Variants in ZNF362 observed in about 807,000 individuals in gnomAD.
The protein encoded by ZNF362 is rotund homolog.
A neutral mutation model predicts 42.9 loss-of-function variants in ZNF362; 11 were observed. That is an observed-to-expected ratio of 0.26 (90% confidence interval 0.16 to 0.42). The LOEUF is 0.42. Ranked by LOEUF, ZNF362 falls within the 20% of genes least tolerant of loss-of-function variation. The pLI, the probability that ZNF362 is intolerant of heterozygous loss-of-function variation, is 1.00. For missense variants in ZNF362, 362 were observed against 576.2 expected (o/e 0.63, Z 3.81); for synonymous variants, 255 against 257.3 (o/e 0.99, Z 0.09).
chr1:33,277,121 G>A (rs1427460536), intron 4 of ZNF362, among the ~76,000 whole-genome samples: 3 of 152,232 alleles, frequency 2.0e-5, no homozygotes, highest in African/African-American at 4.8e-5. Context: ...AGCTCCAGTC[G>A]AGCGCCTGTG....
At chr1:33,172,256 G>T in the ZNF362 span, among the ~76,000 whole-genome samples, 1 of 152,210 alleles carries the variant, frequency 6.6e-6, no homozygotes, top group African/African-American at 2.4e-5. Flanking sequence ...GGAGCTTCAA[G>T]GAAGGAGTTT....
chr1:33,224,082 C>G, the ZNF362 span, among the ~76,000 whole-genome samples: 1 of 151,750 alleles, frequency 6.6e-6, no homozygotes, highest in Non-Finnish European at 1.5e-5. Flanking sequence ...AAAATTTAAT[C>G]AAAATTTACT....
At chr1:33,128,555 A>G in the ZNF362 span, among the ~76,000 whole-genome samples, 2 of 152,210 alleles carry the variant, frequency 1.3e-5, no homozygotes, top group African/African-American at 4.8e-5. Flanking sequence ...TCTCTGCCTA[A>G]TCTGAATCTC....
chr1:33,140,993 T>A, the ZNF362 span, among the ~76,000 whole-genome samples: 3 of 152,176 alleles, frequency 2.0e-5, no homozygotes, highest in East Asian at 3.8e-4. This position sits in a 1 kb window ranked among gnomAD's most constrained non-coding sequence, Gnocchi z 4.0. Context: ...GAGACTTGGA[T>A]CTGGCCCTGA....
the ZNF362 span, among the ~76,000 whole-genome samples, chr1:33,135,635 T>G: frequency 1.3e-5 from 2 of 152,222 alleles, no homozygotes; most frequent in Non-Finnish European, 2.9e-5. Context: ...TCAAACATGC[T>G]GTTCCTCCTT....
At chr1:33,230,541 A>G in the ZNF362 span, among the ~76,000 whole-genome samples, 1 of 152,232 alleles carries the variant, frequency 6.6e-6, no homozygotes, top group African/African-American at 2.4e-5. Context: ...TGTTCACCGA[A>G]TACTTCACAT....
intron 1 of ZNF362, among the ~76,000 whole-genome samples, chr1:33,265,066 C>CTAT (rs767620270): frequency 2.0e-5 from 3 of 151,664 alleles, no homozygotes; most frequent in Non-Finnish European, 1.5e-5. Flanking sequence ...GAGGAAGCAA[C>CTAT]TATTATTATT....
chr1:33,172,378 C>T, the ZNF362 span, among the ~76,000 whole-genome samples: 488 of 152,112 alleles, frequency 3.2e-3, 19 homozygotes, highest in East Asian at 0.083. Flanking sequence ...CCCACCCTCA[C>T]GTGTGCAGGA....
At chr1:33,145,285 A>T in the ZNF362 span, 1 of 152,540 alleles carries the variant, frequency 6.6e-6, no homozygotes, top group African/African-American at 2.4e-5. Flanking sequence ...TAAAATGAGC[A>T]TAATACCATT....
At chr1:33,192,962 T>C in the ZNF362 span, among the ~76,000 whole-genome samples, 5 of 141,246 alleles carry the variant, frequency 3.5e-5, no homozygotes, top group African/African-American at 1.1e-4. Context: ...TATATACGTA[T>C]ATATATGTCT....
At chr1:33,292,616 A>G (rs548925696) in intron 6 of ZNF362, among the ~76,000 whole-genome samples, 40 of 152,082 alleles carry the variant, frequency 2.6e-4, no homozygotes, top group South Asian at 1.9e-3. Context: ...CTCTTTTTCT[A>G]TTGATTGGAA....
At chr1:33,269,301 C>A (rs1645885432) in intron 1 of ZNF362, among the ~76,000 whole-genome samples, 1 of 152,196 alleles carries the variant, frequency 6.6e-6, no homozygotes, top group Non-Finnish European at 1.5e-5. Context: ...AGCAGCTGAA[C>A]AGCATTACAG....
intron 6 of ZNF362, among the ~76,000 whole-genome samples, chr1:33,286,972 T>A (rs139421346): frequency 6.6e-6 from 1 of 152,002 alleles, no homozygotes; most frequent in Admixed American, 6.6e-5. Context: ...GTTGAGAAGG[T>A]TGTGCTTGGG....
chr1:33,258,929 G>C (rs544044918), intron 1 of ZNF362, among the ~76,000 whole-genome samples: 98 of 152,318 alleles, frequency 6.4e-4, no homozygotes, highest in Non-Finnish European at 1.1e-3. Context: ...AGGCCTGCAG[G>C]CTCCTCGCCT....
intron 4 of ZNF362, among the ~76,000 whole-genome samples, 163 bp downstream of exon 4, chr1:33,276,757 A>G (rs1226574697): frequency 2.6e-5 from 4 of 152,288 alleles, no homozygotes; most frequent in Non-Finnish European, 2.9e-5. Context: ...GGCCACGACG[A>G]GCCACAGCAC....
intron 6 of ZNF362, among the ~76,000 whole-genome samples, chr1:33,283,995 C>T (rs1646014709): frequency 6.6e-6 from 1 of 152,192 alleles, no homozygotes; most frequent in African/African-American, 2.4e-5. Context: ...TTTGTAAGGC[C>T]TCCAGGCCAG....
the ZNF362 span, among the ~76,000 whole-genome samples, chr1:33,160,825 T>C: frequency 6.6e-6 from 1 of 152,188 alleles, no homozygotes; most frequent in Non-Finnish European, 1.5e-5. Flanking sequence ...ACCTTGGTGG[T>C]TACTCGCTGT....
At position 33,276,599 on chromosome 1, in the gene ZNF362, G is replaced by C. The variant is rs1458314151; in HGVS notation, c.349+5G>C. 1 of 1,339,998 alleles carries C rather than the reference G, an allele frequency of 7.5e-7. No homozygotes were observed. Among genetic ancestry groups the C allele is most frequent in the Admixed American group, 4.1e-5 (1 of 24,210 alleles). The allele number at this position is 1,339,998 out of a possible 1,614,324, so 83.0% of individuals were successfully genotyped here. On this transcript the variant is annotated splice_donor_5th_base_variant and intron_variant, in intron 4 of 8. Transcript: ENST00000539719. ...CGGCCACCAGCACCGTCACAGGTAG[G>C]CCGAGCGGGCGGGGCCGGCGGGGCC...
At chr1:33,167,604 T>A in the ZNF362 span, among the ~76,000 whole-genome samples, 9 of 152,206 alleles carry the variant, frequency 5.9e-5, no homozygotes, top group Non-Finnish European at 2.9e-5. The surrounding 1 kb of genome is among the most constrained non-coding windows in gnomAD (Gnocchi z 4.2). Flanking sequence ...TGGGACTCAA[T>A]GACGCTTGCT....
Sources: gnomAD v4.1 joint callset for allele counts (sites outside exome capture counted in the v4.1 genomes callset) on GRCh38, gnomAD v4.1.1 for gene constraint, Gnocchi (gnomAD v3.1) non-coding constraint, MANE v1.5 for transcripts, NCBI Gene and HGNC (gene_info 2026-07-23, HGNC 2026-07-21) for gene names.